COG5: variants seen among roughly 807,000 people sequenced by gnomAD.
COG5 encodes conserved oligomeric Golgi complex subunit 5.
In COG5, 86 loss-of-function variants were observed where a neutral mutation model predicts 110.4. The observed-to-expected ratio is 0.78, with a 90% CI of 0.65 to 0.93. The LOEUF (loss-of-function observed/expected upper bound fraction) is 0.93. COG5 is among the 40% of genes least tolerant of loss of function. The pLI, the probability that COG5 is intolerant of heterozygous loss-of-function variation, is 0.00. For missense variants in COG5, 1,077 were observed against 987.0 expected (o/e 1.09, Z -1.22); for synonymous variants, 360 against 334.6 (o/e 1.08, Z -0.83).
rs375309585 is a variant in COG5, at chr7:107,474,514, C to G, written c.538+52723G>C. 5 of 1,612,810 alleles carry G rather than the reference C, an allele frequency of 3.1e-6. No homozygotes were observed. Among genetic ancestry groups the G allele is most frequent in the Non-Finnish European group, 4.2e-6 (5 of 1,179,130 alleles). ...CTCTGTAAAACCTGCAAACCGAATTCTGACAATGGGCAGAGCTGTAATGTT... is the reference window on the plus strand; with the variant it reads ...CTCTGTAAAACCTGCAAACCGAATTGTGACAATGGGCAGAGCTGTAATGTT... On this transcript the variant is annotated intron_variant, in intron 6 of 21. Coordinates refer to ENST00000297135, the MANE Select transcript of COG5 (RefSeq NM_006348.5). The surrounding 1 kb of genome is among the most constrained non-coding windows in gnomAD (Gnocchi z 5.7).
At chr7:107,554,864 A>C (rs1327965664) in intron 2 of COG5, among the ~76,000 whole-genome samples, 1 of 152,180 alleles carries the variant, frequency 6.6e-6, no homozygotes, top group African/African-American at 2.4e-5. Context: ...TTGGAGATTA[A>C]GTTTCAACAT....
chr7:107,208,495 T>TCCTC (rs1189183123), intron 21 of COG5: 33 of 985,290 alleles, frequency 3.3e-5, no homozygotes, highest in Non-Finnish European at 3.9e-5. Flanking sequence ...ATTAACTGAA[T>TCCTC]CCTCTTTTTA....
chr7:107,307,896 T>C lies in COG5; in HGVS notation c.1109-9550A>G, dbSNP rs555765838. Among the ~76,000 whole-genome samples the C allele has an allele frequency of 9.7e-4, 148 of 152,186 alleles. 1 individual carries two copies. Among genetic ancestry groups the C allele is most frequent in the Middle Eastern group, 3.4e-3 (1 of 294 alleles). ...ATGTAACCAAAAACCACCTGAACCC[T>C]ACAAATTATTGAAATAAAAATAAAA... On this transcript the variant is annotated intron_variant, in intron 11 of 21. Coordinates refer to ENST00000297135, the MANE Select transcript of COG5 (RefSeq NM_006348.5).
At chr7:107,218,064 G>A (rs1351390348) in intron 19 of COG5, among the ~76,000 whole-genome samples, 2 of 151,686 alleles carry the variant, frequency 1.3e-5, no homozygotes, top group Non-Finnish European at 2.9e-5. Context: ...GATCTGAAAA[G>A]GAAATCAAGA....
chr7:107,308,937 G>T lies in COG5; in HGVS notation c.1109-10591C>A, dbSNP rs918594346. On this transcript the variant is annotated intron_variant, in intron 11 of 21. Transcript: ENST00000297135. ...TCTCCTTGGCTTTCTAATGTAAAGGGTTACAGAATTATTCTATACATTTCC... is the reference window on the plus strand; with the variant it reads ...TCTCCTTGGCTTTCTAATGTAAAGGTTTACAGAATTATTCTATACATTTCC... Among the ~76,000 whole-genome samples, 6 of 140,470 alleles carry T rather than the reference G, an allele frequency of 4.3e-5. No individual in the cohort carries two copies. The Admixed American group carries it at 5.0e-4, about 12-fold the overall frequency. The allele number at this position is 140,470 out of a possible 152,430, so 92.2% of individuals were successfully genotyped here. A position where few individuals can be genotyped will look rare whatever the true frequency, so the allele number is the denominator to read the frequency against.
chr7:107,337,770 T>C (rs986658443), intron 10 of COG5, among the ~76,000 whole-genome samples: 4 of 152,120 alleles, frequency 2.6e-5, no homozygotes, highest in Non-Finnish European at 5.9e-5. Flanking sequence ...AACAATGTAT[T>C]TTTTATTACA....
At chr7:107,528,717 G>T (rs919047467) in intron 5 of COG5, among the ~76,000 whole-genome samples, 1 of 152,160 alleles carries the variant, frequency 6.6e-6, no homozygotes, top group African/African-American at 2.4e-5. Flanking sequence ...TAACTGAGAA[G>T]CAAGGACATC....
chr7:107,511,264 C>A (rs1391306867), intron 6 of COG5, among the ~76,000 whole-genome samples: 2 of 152,200 alleles, frequency 1.3e-5, no homozygotes, highest in East Asian at 3.8e-4. Context: ...ATACTACAAA[C>A]ACCTCTACGC....
intron 6 of COG5, among the ~76,000 whole-genome samples, chr7:107,493,898 A>G (rs1363451206): frequency 1.3e-5 from 2 of 152,232 alleles, no homozygotes; most frequent in Non-Finnish European, 2.9e-5. Context: ...TAAGGGAAAG[A>G]TGTGCCTTAG....
intron 15 of COG5, among the ~76,000 whole-genome samples, 188 bp from the exon 16 acceptor site, chr7:107,256,982 T>C (rs1445350204): frequency 1.3e-5 from 2 of 152,164 alleles, no homozygotes; most frequent in Non-Finnish European, 2.9e-5. Flanking sequence ...AATAATTTTG[T>C]GTATAAAGCA....
intron 17 of COG5, among the ~76,000 whole-genome samples, chr7:107,243,939 T>G (rs1801852237): frequency 6.6e-6 from 1 of 152,216 alleles, no homozygotes; most frequent in Non-Finnish European, 1.5e-5. Context: ...TACATGAAAT[T>G]AAGGCAGAAG....
chr7:107,413,188 T>C (rs1337498856), intron 6 of COG5, among the ~76,000 whole-genome samples: 1 of 96,764 alleles, frequency 1.0e-5, no homozygotes, highest in African/African-American at 3.0e-5. Context: ...AACTATTCTC[T>C]TTTTTTTTAA....
At chr7:107,560,143 C>G (rs1051225953) in intron 1 of COG5, among the ~76,000 whole-genome samples, 1 of 152,120 alleles carries the variant, frequency 6.6e-6, no homozygotes, top group Non-Finnish European at 1.5e-5. Context: ...ATTCTGTGAG[C>G]CAGTTGACCT....
chr7:107,554,315 C>A lies in COG5; in HGVS notation c.262G>T (p.Ala88Ser). 2 of 1,613,936 alleles carry A rather than the reference C, an allele frequency of 1.2e-6. No individual in the cohort carries two copies. Among genetic ancestry groups the A allele is most frequent in the Non-Finnish European group, 1.7e-6 (2 of 1,179,894 alleles). Residue 88 changes from alanine (A) to serine (S), a missense_variant, in exon 3 of 22, where the codon GCA becomes TCA. Physicochemically the swap from Ala to Ser is moderately conservative, Grantham distance 99. Transcript: ENST00000297135. Reference protein sequence around the residue: ...QVVARHEDLLAQATGIESLEG... With the variant: ...QVVARHEDLLSQATGIESLEG... ...AACGACTCAATCCCAGTTGCTTGTG[C>A]CAGTAAATCTTCATGTCTTGCAACA...
chr7:107,386,947 C>G (rs575061096), intron 7 of COG5, among the ~76,000 whole-genome samples: 1 of 152,048 alleles, frequency 6.6e-6, no homozygotes, highest in Admixed American at 6.5e-5. Context: ...CCACTATCAC[C>G]GGGCCAAAAT....
chr7:107,212,101 T>G (rs1400870671), intron 19 of COG5, among the ~76,000 whole-genome samples: 1 of 152,234 alleles, frequency 6.6e-6, no homozygotes, highest in African/African-American at 2.4e-5. Flanking sequence ...ACTTCTTCCC[T>G]ATACTAATGA....
intron 14 of COG5, 50 bp from the exon 15 acceptor site, chr7:107,258,433 C>CTT: frequency 1.1e-6 from 1 of 907,072 alleles, no homozygotes; most frequent in Non-Finnish European, 1.9e-6. Context: ...AATTCTCTCT[C>CTT]TCTCTCTCTC....
Position 107,428,133 on chromosome 7 carries a change from G to A in COG5, c.539-15501C>T, listed in dbSNP as rs556010706. ...GTGGGGATCAATAAGAGGAAAGTAC[G>A]CCAAACAGGAAGAGAGGTTCTCAAT... On this transcript the variant is annotated intron_variant, in intron 6 of 21. Coordinates refer to ENST00000297135, the MANE Select transcript of COG5 (RefSeq NM_006348.5). Among the ~76,000 whole-genome samples, 10 of 152,244 alleles carry A rather than the reference G, an allele frequency of 6.6e-5. No individual in the cohort carries two copies. The South Asian group carries it at 8.3e-4, about 13-fold the overall frequency.
At chr7:107,335,543 A>T (rs906110722) in intron 10 of COG5, among the ~76,000 whole-genome samples, 6 of 152,366 alleles carry the variant, frequency 3.9e-5, no homozygotes, top group African/African-American at 1.4e-4. Context: ...AAATACAGTA[A>T]GAAAGGGAAA....
Sources: allele counts gnomAD v4.1 joint callset (sites outside exome capture counted in the v4.1 genomes callset), GRCh38; gene constraint gnomAD v4.1.1; non-coding constraint Gnocchi (gnomAD v3.1); transcripts MANE v1.5; gene names NCBI Gene and HGNC (gene_info 2026-07-23, HGNC 2026-07-21).